Variants in LRRC36 observed in about 807,000 individuals in gnomAD.
The protein encoded by LRRC36 is leucine-rich repeat-containing protein 36.
A neutral mutation model predicts 81.1 loss-of-function variants in LRRC36; 62 were observed. The ratio of observed to expected loss-of-function variants is 0.76; its 90% CI spans 0.62 to 0.94. The LOEUF is 0.94. Among genes scored for constraint, LRRC36 ranks in the 40% least tolerant of loss-of-function variants. LRRC36 has a pLI of 0.00. For synonymous variants in LRRC36, 334 were observed against 348.6 expected, an observed-to-expected ratio of 0.96 and a Z score of 0.47; for missense variants, 761 against 881.7, an observed-to-expected ratio of 0.86 and a Z score of 1.73.
At chr16:67,355,542 T>C (rs2038862210) in intron 5 of LRRC36, among the ~76,000 whole-genome samples, 1 of 151,420 alleles carries the variant, frequency 6.6e-6, no homozygotes, top group Non-Finnish European at 1.5e-5. Context: ...GCCCGGCTAA[T>C]TTTTTGTATT....
intron 5 of LRRC36, among the ~76,000 whole-genome samples, chr16:67,363,181 A>G (rs775683921): frequency 3.1e-4 from 47 of 152,222 alleles, no homozygotes; most frequent in Admixed American, 3.1e-3. Flanking sequence ...CTGGAGATGT[A>G]TAATGCCAGG....
chr16:67,347,412 T>C (rs1353919671), intron 3 of LRRC36, 83 bp from the exon 4 acceptor site: 3 of 1,584,794 alleles, frequency 1.9e-6, no homozygotes, highest in African/African-American at 1.4e-5. Flanking sequence ...ATTTTTCCTC[T>C]GCGAATATGG....
In LRRC36 at chr16:67,365,345, C is replaced by T. The variant is rs750008928; in HGVS notation, c.744C>T (p.His248=). Residue 248 remains histidine (H), a synonymous_variant, in exon 7 of 14, where the codon CAC becomes CAT. Coordinates refer to ENST00000329956, the MANE Select transcript of LRRC36 (RefSeq NM_018296.6). ...VARREMPSDN[H]QEDEFRHYSP... is the part of the protein sequence containing the mutation. ...GAAGGGAGATGCCAAGTGACAATCA[C>T]CAGGAAGATGGTAAATATTTTGCTC... 43 of 1,612,960 alleles carry T rather than the reference C, an allele frequency of 2.7e-5. No individual in the cohort carries two copies. The highest frequency in any genetic ancestry group is 3.2e-5 in the Non-Finnish European group (38 of 1,179,522).
At chr16:67,336,767 T>C (rs1228308638) in intron 1 of LRRC36, 1 of 86,362 alleles carries the variant, frequency 1.2e-5, no homozygotes, top group Non-Finnish European at 1.9e-5. Flanking sequence ...TTTTGCCTAC[T>C]TTTTTTTTTT....
At chr16:67,331,180 T>C (rs1365358192) in intron 1 of LRRC36, among the ~76,000 whole-genome samples, 1 of 150,866 alleles carries the variant, frequency 6.6e-6, no homozygotes, top group Non-Finnish European at 1.5e-5. Context: ...GATAACAGCA[T>C]GAAGCCACCG....
intron 5 of LRRC36, among the ~76,000 whole-genome samples, chr16:67,354,216 T>C (rs11866554): frequency 1.6e-3 from 248 of 152,216 alleles, no homozygotes; most frequent in African/African-American, 5.8e-3. Flanking sequence ...CTGCTTGTAA[T>C]GCTTTACTCA....
At chr16:67,355,944 T>C (rs1370034827) in intron 5 of LRRC36, among the ~76,000 whole-genome samples, 10 of 152,182 alleles carry the variant, frequency 6.6e-5, no homozygotes. Context: ...TGTGAATTAC[T>C]GTCTGGAAGT....
chr16:67,381,712 TG>T (rs2040118167), intron 12 of LRRC36, among the ~76,000 whole-genome samples: 1 of 152,138 alleles, frequency 6.6e-6, no homozygotes, highest in African/African-American at 2.4e-5. Flanking sequence ...TCCCATCTCC[TG>T]GGTTCAAGCG....
chr16:67,353,122 A>G (rs963638643), intron 5 of LRRC36, among the ~76,000 whole-genome samples: 2 of 152,184 alleles, frequency 1.3e-5, no homozygotes, highest in African/African-American at 4.8e-5. Flanking sequence ...TACACTTGGA[A>G]TCACCACTGT....
intron 13 of LRRC36, 90 bp downstream of exon 13, chr16:67,382,337 A>G (rs1402427003): frequency 3.8e-5 from 33 of 874,140 alleles, no homozygotes; most frequent in Non-Finnish European, 1.8e-5. Context: ...ATATCTATGC[A>G]CTTTGCAAGT....
At chr16:67,338,176 A>G (rs2037854682) in intron 1 of LRRC36, among the ~76,000 whole-genome samples, 1 of 152,112 alleles carries the variant, frequency 6.6e-6, no homozygotes, top group South Asian at 2.1e-4. Flanking sequence ...AAAACTGAGA[A>G]AAATTTAAAA....
chr16:67,330,908 G>A (rs564352942), intron 1 of LRRC36, among the ~76,000 whole-genome samples: 3 of 151,914 alleles, frequency 2.0e-5, no homozygotes, highest in Admixed American at 6.6e-5. Context: ...CTTTTCTCTT[G>A]TCATAACAGA....
chr16:67,383,071 C>CAAAA (rs59297593), intron 13 of LRRC36, among the ~76,000 whole-genome samples: 12 of 44,352 alleles, frequency 2.7e-4, no homozygotes, highest in South Asian at 1.2e-3. Context: ...GGCTCCGTCT[C>CAAAA]AAAAAAAAAA....
chr16:67,350,081 T>C (rs1343518292), intron 4 of LRRC36, 121 bp from the exon 5 acceptor site: 1 of 595,098 alleles, frequency 1.7e-6, no homozygotes, highest in Non-Finnish European at 2.8e-6. Flanking sequence ...TAAATTAATA[T>C]GTTCTAGAGC....
chr16:67,332,879 ATTTAT>A (rs1047786626), intron 1 of LRRC36, among the ~76,000 whole-genome samples: 3 of 151,392 alleles, frequency 2.0e-5, no homozygotes, highest in Non-Finnish European at 2.9e-5. Flanking sequence ...TTATTTATTT[ATTTAT>A]TTTATTTATT....
At chr16:67,373,767 C>A (rs2039765783) in intron 9 of LRRC36, among the ~76,000 whole-genome samples, 1 of 143,088 alleles carries the variant, frequency 7.0e-6, no homozygotes, top group African/African-American at 2.6e-5. Context: ...AATCCCAGCA[C>A]TTTGCGAGGC....
At chr16:67,375,468 T>A (rs1167138994) in intron 10 of LRRC36, 56 bp downstream of exon 10, 9 of 1,473,100 alleles carry the variant, frequency 6.1e-6, no homozygotes, top group Non-Finnish European at 7.2e-6. Flanking sequence ...CTCTGCTCTG[T>A]GTTCTGCTAA....
chr16:67,376,692 G>A (rs1341914826), intron 10 of LRRC36, 35 bp from the exon 11 acceptor site: 1 of 1,598,182 alleles, frequency 6.3e-7, no homozygotes, highest in Non-Finnish European at 8.6e-7. Context: ...TAGCTTTTAA[G>A]ATTGGCCTGT....
rs2142202478 is a variant in LRRC36 at position 67,385,142 on chromosome 16, G to A, written c.*53G>A. ...TCCCTGGTCCACAGAGGCTCTCACC[G>A]CCATTGCCACCAGTATGGTGGTATG... On this transcript the variant is annotated 3_prime_UTR_variant, in exon 14 of 14. Transcript: ENST00000329956. The A allele has an allele frequency of 4.4e-6, 6 of 1,364,484 alleles. No individual in the cohort carries two copies. Among genetic ancestry groups the A allele is most frequent in the South Asian group, 1.2e-5 (1 of 84,048 alleles). 84.5% of individuals were successfully genotyped at this position (1,364,484 alleles called of 1,614,324 possible). A position where few individuals can be genotyped will look rare whatever the true frequency, so the allele number is the denominator to read the frequency against.
Sources: allele counts gnomAD v4.1 joint callset (sites outside exome capture counted in the v4.1 genomes callset), GRCh38; gene constraint gnomAD v4.1.1; transcripts MANE v1.5; gene names NCBI Gene and HGNC (gene_info 2026-07-23, HGNC 2026-07-21).